NDUFAF7: variants seen among roughly 807,000 people sequenced by gnomAD.
The protein encoded by NDUFAF7 is protein arginine methyltransferase NDUFAF7, mitochondrial.
Under a neutral mutation model 47.2 loss-of-function variants are expected in NDUFAF7, and 48 were observed. That is an observed-to-expected ratio of 1.02 (90% CI 0.81 to 1.29). The LOEUF (loss-of-function observed/expected upper bound fraction) is 1.29, where lower values mean the gene tolerates loss of function less well. Among genes scored for constraint, NDUFAF7 ranks in the 50% most tolerant of loss-of-function variants. The probability of loss-of-function intolerance (pLI) is 0.00; values close to 1 mark genes in which losing one functional copy is unlikely to be tolerated. For missense variants in NDUFAF7, 635 were observed against 537.6 expected, an observed-to-expected ratio of 1.18 and a Z score of -1.79; for synonymous variants, 217 against 190.0, an observed-to-expected ratio of 1.14 and a Z score of -1.17.
At chr2:37,238,144 A>G (rs1447069587) in intron 4 of NDUFAF7, among the ~76,000 whole-genome samples, 1 of 152,170 alleles carries the variant, frequency 6.6e-6, no homozygotes, top group Admixed American at 6.5e-5. Flanking sequence ...GTTGTTAATT[A>G]TATTAAAAGT....
At position 37,245,931 on chromosome 2, in the gene NDUFAF7, A is replaced by G. The variant is rs1666850697; in HGVS notation, c.793-121A>G. On this transcript the variant is annotated intron_variant, in intron 7 of 9. Transcript: ENST00000002125. ...AAAGTTGAGTGTAGAGAACATACTC[A>G]TATTAAGAATTTATTTTTATTAAAA... The G allele has an allele frequency of 2.7e-6, 3 of 1,113,938 alleles. No homozygotes were observed. The Admixed American group carries it at 6.3e-5, about 23-fold the overall frequency. The allele number at this position is 1,113,938 out of a possible 1,614,324, so 69.0% of individuals were successfully genotyped here.
rs1306368211 is a variant in NDUFAF7 at position 37,235,644 on chromosome 2, T to TTATA, written c.217-449_217-448insATAT. Among the ~76,000 whole-genome samples, 4 of 60,884 alleles carry TTATA rather than the reference T, an allele frequency of 6.6e-5. No individual in the cohort carries two copies. In the South Asian group the frequency reaches 1.5e-3, roughly 22 times the overall value. The allele number at this position is 60,884 out of a possible 152,430, so 39.9% of individuals were successfully genotyped here. A position where few individuals can be genotyped will look rare whatever the true frequency, so the allele number is the denominator to read the frequency against. ...AAGACACCATATTTCCCTTGCTTAT[T>TTATA]TATTTATTTATTTATTTATTTATTT... On this transcript the variant is annotated intron_variant, in intron 2 of 9. Transcript: ENST00000002125.
downstream of NDUFAF7, chr2:37,252,180 G>C (rs931297969): frequency 6.6e-6 from 1 of 152,130 alleles, no homozygotes; most frequent in Non-Finnish European, 1.5e-5. Context: ...AATAGGCTAG[G>C]GGAAGGAGAA....
chr2:37,240,115 A>G (rs533566924), intron 4 of NDUFAF7, among the ~76,000 whole-genome samples: 157 of 152,306 alleles, frequency 1.0e-3, no homozygotes, highest in Admixed American at 1.9e-3. Context: ...TTTATTTTAT[A>G]TGTACTTGAC....
rs1211640638 is a variant in NDUFAF7, at chr2:37,249,052, C to CT, written c.*703dup. ...GCAATATGTTTTGACAGAAAACTCTCTAAGATTTAGTAAGTGAAAAAAAGT... is the reference window on the plus strand; with the variant it reads ...GCAATATGTTTTGACAGAAAACTCTCTTAAGATTTAGTAAGTGAAAAAAAGT... On this transcript the variant is annotated 3_prime_UTR_variant, in exon 10 of 10. Transcript: ENST00000002125. 2.0e-5 allele frequency: 3 copies of CT among 152,088 alleles called. No homozygotes were observed. The highest frequency in any genetic ancestry group is 4.8e-5 in the African/African-American group (2 of 41,350). 9.4% of individuals were successfully genotyped at this position (152,088 alleles called of 1,614,324 possible). A position where few individuals can be genotyped will look rare whatever the true frequency, so the allele number is the denominator to read the frequency against.
intron 4 of NDUFAF7, 86 bp from the exon 5 acceptor site, chr2:37,241,492 A>T: frequency 1.8e-6 from 2 of 1,110,640 alleles, no homozygotes; most frequent in East Asian, 2.6e-5. Flanking sequence ...CTCTATTGTG[A>T]CATGACTAAA....
At chr2:37,241,301 ATTG>A (rs1378218965) in intron 4 of NDUFAF7, among the ~76,000 whole-genome samples, 1 of 152,170 alleles carries the variant, frequency 6.6e-6, no homozygotes, top group African/African-American at 2.4e-5. Context: ...AATCTGAATC[ATTG>A]TTTTTATCAG....
intron 2 of NDUFAF7, among the ~76,000 whole-genome samples, chr2:37,235,176 T>C (rs2148390859): frequency 6.6e-6 from 1 of 151,310 alleles, no homozygotes; most frequent in African/African-American, 2.4e-5. Flanking sequence ...GGAGGTTGAG[T>C]ATAAGACTGC....
chr2:37,263,387 A>G, the NDUFAF7 span, among the ~76,000 whole-genome samples: 12 of 152,206 alleles, frequency 7.9e-5, no homozygotes, highest in Non-Finnish European at 1.6e-4. Flanking sequence ...TTTTGAATTA[A>G]TGAGGCATTC....
chr2:37,234,649 T>C (rs930322096), intron 2 of NDUFAF7, among the ~76,000 whole-genome samples: 4 of 152,068 alleles, frequency 2.6e-5, no homozygotes, highest in Non-Finnish European at 1.5e-5. Flanking sequence ...TTCTCAAAAA[T>C]GGGAGTGACT....
the NDUFAF7 span, chr2:37,259,724 CAAGT>C: frequency 1.5e-6 from 2 of 1,368,324 alleles, no homozygotes; most frequent in Non-Finnish European, 2.1e-6. Flanking sequence ...TGGAAAATCA[CAAGT>C]AAACCTCATG....
At chr2:37,262,435 T>C in the NDUFAF7 span, among the ~76,000 whole-genome samples, 1 of 152,162 alleles carries the variant, frequency 6.6e-6, no homozygotes, top group Non-Finnish European at 1.5e-5. Flanking sequence ...GAAAGTGAAA[T>C]AACAACAAAT....
At chr2:37,269,527 A>G in the NDUFAF7 span, 13 of 1,178,510 alleles carry the variant, frequency 1.1e-5, no homozygotes, top group Non-Finnish European at 1.6e-5. Flanking sequence ...GGACAAAACT[A>G]TGAGATGACA....
At chr2:37,246,433 CTA>C (rs1666904873) in intron 8 of NDUFAF7, among the ~76,000 whole-genome samples, 2 of 152,230 alleles carry the variant, frequency 1.3e-5, no homozygotes, top group Middle Eastern at 6.8e-3. Context: ...GTTGTAGAAC[CTA>C]TGTTTATATA....
At chr2:37,250,253 G>C (rs1667373704), downstream of NDUFAF7, among the ~76,000 whole-genome samples, 1 of 151,968 alleles carries the variant, frequency 6.6e-6, no homozygotes, top group African/African-American at 2.4e-5. Context: ...TTTTTTCAAA[G>C]ACTTGGTTGG....
At chr2:37,232,704 G>A (rs956721484) in intron 2 of NDUFAF7, among the ~76,000 whole-genome samples, 2 of 152,156 alleles carry the variant, frequency 1.3e-5, no homozygotes, top group Non-Finnish European at 2.9e-5. Context: ...CTGGAAAGTC[G>A]TCTGTGTTGG....
intron 9 of NDUFAF7, among the ~76,000 whole-genome samples, chr2:37,247,856 T>G (rs969186961): frequency 7.9e-5 from 12 of 152,210 alleles, no homozygotes; most frequent in African/African-American, 2.9e-4. Context: ...TTAAGAAAAC[T>G]GCGTTTATGG....
In NDUFAF7 at chr2:37,241,791, G is replaced by A. The variant is rs750443627; in HGVS notation, c.622G>A (p.Gly208Arg). 6.2e-7 allele frequency: 1 copy of A among 1,612,428 alleles called. No homozygotes were observed. Among genetic ancestry groups the A allele is most frequent in the East Asian group, 2.2e-5 (1 of 44,860 alleles). ...CCGAGATCTGCACGATGTTCCAAAA[G>A]GTAATTACCTTTATGTGGATTAATG... is the stretch of plus-strand genomic sequence containing the variant. ...WYRDLHDVPK[G>R]YSFYLAHEFF... is the part of the protein sequence containing the mutation. Residue 208 changes from glycine to arginine, a missense_variant and splice_region_variant, in exon 5 of 10, where the codon GGG becomes AGG. Gly to Arg is a moderately radical substitution (Grantham distance 125). Transcript: ENST00000002125.
intron 2 of NDUFAF7, 48 bp from the exon 3 acceptor site, chr2:37,236,048 G>A (rs111826599): frequency 1.2e-5 from 17 of 1,438,988 alleles, no homozygotes; most frequent in Non-Finnish European, 1.5e-5. Flanking sequence ...TTTTTAAAAG[G>A]CTTATTTGAA....
Sources: allele counts gnomAD v4.1 joint callset (sites outside exome capture counted in the v4.1 genomes callset), GRCh38; gene constraint gnomAD v4.1.1; transcripts MANE v1.5; gene names NCBI Gene and HGNC (gene_info 2026-07-23, HGNC 2026-07-21).